RPL17: variants seen among roughly 807,000 people sequenced by gnomAD.
The protein encoded by RPL17 is large ribosomal subunit protein uL22.
A neutral mutation model predicts 27.7 loss-of-function variants in RPL17; 2 were observed. The observed-to-expected ratio is 0.07, with a 90% CI of 0.03 to 0.23. The LOEUF is 0.23. Ranked by LOEUF, RPL17 falls within the 10% of genes least tolerant of loss-of-function variation. The probability of loss-of-function intolerance (pLI) is 1.00; values close to 1 mark genes in which losing one functional copy is unlikely to be tolerated. For synonymous variants in RPL17, 76 were observed against 75.5 expected (o/e 1.01, Z -0.03); for missense variants, 141 against 238.8 (o/e 0.59, Z 2.70).
chr18:49,488,585 G>A lies in RPL17; in HGVS notation c.508-19C>T. 6.6e-7 allele frequency: 1 copy of A among 1,507,620 alleles called. No individual in the cohort carries two copies. The highest frequency in any genetic ancestry group is 9.2e-7 in the Non-Finnish European group (1 of 1,083,554). The allele number at this position is 1,507,620 out of a possible 1,614,324, so 93.4% of individuals were successfully genotyped here. On this transcript the variant is annotated intron_variant, in intron 6 of 6. Coordinates refer to ENST00000580261, the MANE Select transcript of RPL17 (RefSeq NM_001035006.5). ...GGGATATCTGGGGAAAGAAAAATGTGTTAAGTTTCTTAGAGAAAACCACAG... is the reference window on the plus strand; with the variant it reads ...GGGATATCTGGGGAAAGAAAAATGTATTAAGTTTCTTAGAGAAAACCACAG...
At chr18:49,491,238 C>T (rs759733425) in intron 3 of RPL17, 167 bp downstream of exon 3, 9 of 1,161,400 alleles carry the variant, frequency 7.7e-6, no homozygotes, top group Non-Finnish European at 1.0e-5. Flanking sequence ...ATTTCACAAA[C>T]GCTACATCCT....
chr18:49,491,326 C>T (rs1353951329), intron 3 of RPL17, 79 bp downstream of exon 3: 1 of 1,601,652 alleles, frequency 6.2e-7, no homozygotes, highest in East Asian at 2.2e-5. Context: ...CCAAAGGTGT[C>T]CTAAGAAAGT....
At chr18:49,489,813 G>A (rs992379584) in intron 5 of RPL17, among the ~76,000 whole-genome samples, 8 of 152,148 alleles carry the variant, frequency 5.3e-5, no homozygotes, top group African/African-American at 9.7e-5. Flanking sequence ...ATCCTTAGAC[G>A]GGTGGAGAGC....
chr18:49,491,450 A>C lies in RPL17; in HGVS notation c.41-5T>G, dbSNP rs1943676. ...TGGAACCTCTTGATTTGCATGCTAG[A>C]AAATAAAACGTTTTGGTTAATTTTT... On this transcript the variant is annotated splice_region_variant and splice_polypyrimidine_tract_variant and intron_variant, in intron 2 of 6. Coordinates refer to ENST00000580261, the MANE Select transcript of RPL17 (RefSeq NM_001035006.5). 6.2e-7 allele frequency: 1 copy of C among 1,613,824 alleles called. No homozygotes were observed. The highest frequency in any genetic ancestry group is 1.1e-5 in the South Asian group (1 of 91,074).
At position 49,489,546 on chromosome 18, in the gene RPL17, A is replaced by G. The variant is rs756848590; in HGVS notation, c.320T>C (p.Leu107Ser). The change falls in exon 6 of 7, where the codon TTA (leucine) becomes TCA (serine). Residue 107 changes from leucine to serine, a missense_variant. Leu to Ser is a moderately radical substitution (Grantham distance 145). Coordinates refer to ENST00000580261, the MANE Select transcript of RPL17 (RefSeq NM_001035006.5). ...CTCAATGACCAGAGAATCTACATCT[A>G]AACCCTGGGGAAGAAAGGAAGGAGA... The part of the protein sequence containing the change: ...NAESNAELKG[L>S]DVDSLVIEHI... The G allele has an allele frequency of 4.4e-6, 7 of 1,599,904 alleles. No homozygotes were observed. The highest frequency in any genetic ancestry group is 1.3e-5 in the African/African-American group (1 of 74,922).
At position 49,491,604 on chromosome 18, in the gene RPL17, A is replaced by G. The variant is rs1197535209; in HGVS notation, c.-13-20T>C. ...GATCACCTAGAGGAAAGTACAGTGT[A>G]ATTCTGTCAATACGTACTTACAGTA... On this transcript the variant is annotated intron_variant, in intron 1 of 6. Transcript: ENST00000580261. 6.2e-7 allele frequency: 1 copy of G among 1,613,746 alleles called. No individual in the cohort carries two copies. The highest frequency in any genetic ancestry group is 2.2e-5 in the East Asian group (1 of 44,880).
Position 49,488,838 on chromosome 18 carries a change from T to G in RPL17, c.508-272A>C, listed in dbSNP as rs142739618. On this transcript the variant is annotated intron_variant, in intron 6 of 6. Coordinates refer to ENST00000580261, the MANE Select transcript of RPL17 (RefSeq NM_001035006.5). ...GAGGGCCCATTTTGAAGTGGCTATG[T>G]ACATCTAAGTGGGGCCATCAGCAGA... Among the ~76,000 whole-genome samples, 879 of 152,016 alleles carry G rather than the reference T, an allele frequency of 5.8e-3. 11 individuals are homozygous for G. Among genetic ancestry groups the G allele is most frequent in the African/African-American group, 0.02 (837 of 41,476 alleles).
chr18:49,489,610 A>T, intron 5 of RPL17, 60 bp from the exon 6 acceptor site: 1 of 1,533,814 alleles, frequency 6.5e-7, no homozygotes, highest in South Asian at 1.1e-5. Flanking sequence ...AAACACCACA[A>T]ACTATCATTG....
rs113825439 is a variant in RPL17 at position 49,490,775 on chromosome 18, G to A, written c.216+18C>T. The A allele has an allele frequency of 2.2e-5, 36 of 1,612,462 alleles. No individual in the cohort carries two copies. In the African/African-American group the frequency reaches 3.9e-4, roughly 17 times the overall value. ...CCATTAAAATCTGTCTTTTCAAATG[G>A]CAACTAAGAATTCTCACCTGCGCAC... On this transcript the variant is annotated intron_variant, in intron 4 of 6. Transcript: ENST00000580261.
rs750143759 is a variant in RPL17, at chr18:49,490,588, G to T, written c.217-36C>A. The T allele has an allele frequency of 1.1e-5, 17 of 1,612,076 alleles. No homozygotes were observed. The South Asian group carries it at 1.8e-4, about 17-fold the overall frequency. On this transcript the variant is annotated intron_variant, in intron 4 of 6. Transcript: ENST00000580261. Reference sequence around the variant, plus strand: ...ATGGAGATGATGAGTCATTTTCCTTGATTTAAATTAACATTACAGCCAAGA... The same window carrying T: ...ATGGAGATGATGAGTCATTTTCCTTTATTTAAATTAACATTACAGCCAAGA...
chr18:49,491,821 A>T, intron 1 of RPL17: 1 of 727,316 alleles, frequency 1.4e-6, no homozygotes, highest in Admixed American at 1.8e-5. Context: ...GGGCCTCACC[A>T]ATCCAGTCAA....
At chr18:49,492,021 G>C in intron 1 of RPL17, 1 of 341,894 alleles carries the variant, frequency 2.9e-6, no homozygotes, top group African/African-American at 2.1e-5. Flanking sequence ...TTCGGGCTAT[G>C]ACCCACTTTA....
At chr18:49,491,927 C>T in intron 1 of RPL17, 1 of 405,124 alleles carries the variant, frequency 2.5e-6, no homozygotes, top group Non-Finnish European at 4.7e-6. Context: ...TCAACCGTAA[C>T]CCTCTACACC....
intron 1 of RPL17, chr18:49,491,915 A>G (rs1286395304): frequency 9.3e-6 from 4 of 431,730 alleles, no homozygotes; most frequent in Non-Finnish European, 1.8e-5. Flanking sequence ...GCAGGGCACA[A>G]CTCAACCGTA....
At chr18:49,490,432 A>G in intron 5 of RPL17, 22 bp downstream of exon 5, 5 of 1,611,848 alleles carry the variant, frequency 3.1e-6, no homozygotes, top group African/African-American at 1.3e-5. Context: ...CAAGTTGCAC[A>G]GGATGTTAGT....
chr18:49,491,745 C>G lies in RPL17; in HGVS notation c.-13-161G>C, dbSNP rs1221202620. ...ATCATCGCAGCCATACTTTCCCCCACCAAGGGCTTGCTTTCCCTTTTATCT... is the reference window on the plus strand; with the variant it reads ...ATCATCGCAGCCATACTTTCCCCCAGCAAGGGCTTGCTTTCCCTTTTATCT... On this transcript the variant is annotated intron_variant, in intron 1 of 6. Coordinates refer to ENST00000580261, the MANE Select transcript of RPL17 (RefSeq NM_001035006.5). 3.1e-6 allele frequency: 3 copies of G among 963,064 alleles called. No individual in the cohort carries two copies. In the African/African-American group the frequency reaches 4.8e-5, roughly 15 times the overall value. The allele number at this position is 963,064 out of a possible 1,614,324, so 59.7% of individuals were successfully genotyped here.
intron 3 of RPL17, 155 bp from the exon 4 acceptor site, chr18:49,491,082 A>C (rs2148823449): frequency 8.0e-7 from 1 of 1,255,406 alleles, no homozygotes; most frequent in East Asian, 2.3e-5. Flanking sequence ...AAAGCCAGGT[A>C]AACTTCGTTG....
chr18:49,489,190 T>C (rs112441052), intron 6 of RPL17, 169 bp downstream of exon 6: 44 of 675,398 alleles, frequency 6.5e-5, no homozygotes, highest in African/African-American at 6.4e-4. Flanking sequence ...AAACTTACCA[T>C]TTATTATTAG....
chr18:49,491,649 C>A, intron 1 of RPL17, 65 bp from the exon 2 acceptor site: 2 of 1,573,488 alleles, frequency 1.3e-6, no homozygotes, highest in African/African-American at 1.3e-5. Flanking sequence ...GTATAAATAT[C>A]AGATGATTCG....
Sources: allele counts gnomAD v4.1 joint callset (sites outside exome capture counted in the v4.1 genomes callset), GRCh38; gene constraint gnomAD v4.1.1; transcripts MANE v1.5; gene names NCBI Gene and HGNC (gene_info 2026-07-23, HGNC 2026-07-21).